Variants in PDZD2 observed in about 807,000 individuals in gnomAD.
PDZD2 encodes the protein PDZ domain-containing protein 2.
PDZD2 carries 90 observed loss-of-function variants against 220.7 expected under a neutral mutation model. That is an observed-to-expected ratio of 0.41 (90% CI 0.34 to 0.49). PDZD2 has a LOEUF of 0.49. Ranked by LOEUF, PDZD2 falls within the 20% of genes least tolerant of loss-of-function variation. The pLI, the probability that PDZD2 is intolerant of heterozygous loss-of-function variation, is 0.28. For missense variants in PDZD2, 3,174 were observed against 3,608.5 expected (o/e 0.88, Z 3.08); for synonymous variants, 1,375 against 1,450.5 (o/e 0.95, Z 1.18).
chr5:31,722,699 T>TG (rs1748876986), intron 1 of PDZD2, among the ~76,000 whole-genome samples: 1 of 151,648 alleles, frequency 6.6e-6, no homozygotes, highest in Non-Finnish European at 1.5e-5. Flanking sequence ...TTTTTGTTGT[T>TG]TTTTTTTTGA....
rs777715428 is a variant in PDZD2 at position 32,089,496 on chromosome 5, C to A, written c.6048C>A (p.Thr2016=). The A allele has an allele frequency of 6.2e-7, 1 of 1,613,240 alleles. No homozygotes were observed. The highest frequency in any genetic ancestry group is 1.1e-5 in the South Asian group (1 of 91,082). ...LSEPDRGCPT[T]PKSPKCRAEG... ...AACCCGACAGAGGTTGCCCAACCAC[C>A]CCTAAATCTCCTAAGTGTAGAGCAG... Residue 2016 remains threonine, a synonymous_variant, in exon 20 of 25, where the codon ACC becomes ACA. Coordinates refer to ENST00000438447, the MANE Select transcript of PDZD2 (RefSeq NM_178140.4).
chr5:31,723,112 G>T (rs1748902284), intron 1 of PDZD2, among the ~76,000 whole-genome samples: 1 of 152,218 alleles, frequency 6.6e-6, no homozygotes, highest in African/African-American at 2.4e-5. Context: ...GTAAAGAAAT[G>T]AAAGTTAGAA....
chr5:31,915,904 T>A (rs1743636338), intron 2 of PDZD2, among the ~76,000 whole-genome samples: 1 of 152,186 alleles, frequency 6.6e-6, no homozygotes, highest in African/African-American at 2.4e-5. Flanking sequence ...GGGAGCCTTT[T>A]GTTTTTAAGA....
chr5:31,823,284 T>C (rs1756015612), intron 2 of PDZD2: 2 of 331,482 alleles, frequency 6.0e-6, no homozygotes, highest in Non-Finnish European at 1.1e-5. Context: ...GGCCAAGGCA[T>C]GGTGAAACCT....
Position 31,988,443 on chromosome 5 carries a change from G to GA in PDZD2, c.978+4787_978+4788insA, listed in dbSNP as rs565446170. ...TTCTGTCCTTGTGGAGATGGGGGTG[G>GA]GGGGGGTGCATCACCCTCCTGGCAT... On this transcript the variant is annotated intron_variant, in intron 3 of 24. Transcript: ENST00000438447. 3.1e-3 allele frequency among the ~76,000 whole-genome samples: 456 copies of GA among 147,862 alleles called. 3 individuals carry two copies. The highest frequency in any genetic ancestry group is 4.0e-3 in the Non-Finnish European group (266 of 66,730).
intron 1 of PDZD2, among the ~76,000 whole-genome samples, chr5:31,717,424 C>T (rs1365347330): frequency 6.6e-6 from 1 of 152,204 alleles, no homozygotes; most frequent in East Asian, 1.9e-4. Flanking sequence ...TTAAAAGCCA[C>T]AGTCATGTCC....
chr5:31,880,809 T>C (rs1739817413), intron 2 of PDZD2, among the ~76,000 whole-genome samples: 1 of 135,438 alleles, frequency 7.4e-6, no homozygotes. Flanking sequence ...TTTTTTTTTT[T>C]TTTTTTTTTG....
chr5:31,891,997 A>G (rs1435509332), intron 2 of PDZD2, among the ~76,000 whole-genome samples: 1 of 151,714 alleles, frequency 6.6e-6, no homozygotes. Context: ...TGCAGCTTCA[A>G]CCTCCCAGGC....
intron 1 of PDZD2, among the ~76,000 whole-genome samples, chr5:31,669,147 T>A (rs926254099): frequency 6.6e-6 from 1 of 151,864 alleles, no homozygotes; most frequent in Non-Finnish European, 1.5e-5. Context: ...TGTTGCTTTA[T>A]GCCTGTAATC....
intron 2 of PDZD2, among the ~76,000 whole-genome samples, chr5:31,921,471 C>T (rs1744248051): frequency 6.6e-6 from 1 of 151,928 alleles, no homozygotes; most frequent in Non-Finnish European, 1.5e-5. Context: ...ATCACTTGAG[C>T]TTAGGAGTTC....
At chr5:32,095,130 A>G (rs1423704188) in intron 21 of PDZD2, among the ~76,000 whole-genome samples, 1 of 152,182 alleles carries the variant, frequency 6.6e-6, no homozygotes, top group Non-Finnish European at 1.5e-5. Flanking sequence ...GCCAACCACA[A>G]GCAAGATGTA....
chr5:31,728,225 C>T (rs1749298174), intron 1 of PDZD2, among the ~76,000 whole-genome samples: 1 of 152,066 alleles, frequency 6.6e-6, no homozygotes, highest in Non-Finnish European at 1.5e-5. Context: ...CAGCACTCCC[C>T]CATGTCCCCA....
chr5:31,808,894 C>T (rs1303555987), intron 2 of PDZD2, among the ~76,000 whole-genome samples: 4 of 151,932 alleles, frequency 2.6e-5, no homozygotes, highest in Middle Eastern at 3.4e-3. Context: ...GCAGGAGAAT[C>T]GCTTGAACTG....
intron 2 of PDZD2, among the ~76,000 whole-genome samples, chr5:31,845,187 G>A (rs1351425166): frequency 6.6e-6 from 1 of 152,132 alleles, no homozygotes; most frequent in Non-Finnish European, 1.5e-5. Context: ...TAAAATACCT[G>A]ATTGAGAATC....
At position 32,056,498 on chromosome 5, in the gene PDZD2, T is replaced by C. The variant is rs77649036; in HGVS notation, c.1901-1157T>C. On this transcript the variant is annotated intron_variant, in intron 10 of 24. Transcript: ENST00000438447. ...CATCTTTGTAGTGTTTTTGATGAAC[T>C]GTTATTCCAAAAAAGCAGGCCATGT... is the stretch of plus-strand genomic sequence containing the variant. Among the ~76,000 whole-genome samples the C allele has an allele frequency of 2.5e-3, 380 of 152,330 alleles. 2 individuals carry two copies. Among genetic ancestry groups the C allele is most frequent in the African/African-American group, 9.0e-3 (373 of 41,590 alleles).
chr5:31,889,826 C>G (rs764015535), intron 2 of PDZD2, among the ~76,000 whole-genome samples: 28 of 152,116 alleles, frequency 1.8e-4, no homozygotes, highest in Non-Finnish European at 2.9e-4. Flanking sequence ...TCGAGACCAG[C>G]TTGGCCAACA....
chr5:32,036,056 G>C (rs889273574), intron 6 of PDZD2, among the ~76,000 whole-genome samples: 2 of 152,030 alleles, frequency 1.3e-5, no homozygotes, highest in African/African-American at 4.8e-5. Context: ...CAGTTCTCCT[G>C]CCTCAGCCTC....
At chr5:31,991,040 T>C (rs1005252191) in intron 3 of PDZD2, among the ~76,000 whole-genome samples, 3 of 151,878 alleles carry the variant, frequency 2.0e-5, no homozygotes, top group Admixed American at 1.3e-4. Flanking sequence ...AATGACAGAG[T>C]GTTCCATGAG....
intron 1 of PDZD2, among the ~76,000 whole-genome samples, chr5:31,652,012 T>TTTTA (rs1412972171): frequency 6.7e-6 from 1 of 150,288 alleles, no homozygotes; most frequent in African/African-American, 2.4e-5. Context: ...TTTTTTTTTT[T>TTTTA]AGTAGAGACA....
Sources: allele counts gnomAD v4.1 joint callset (sites outside exome capture counted in the v4.1 genomes callset), GRCh38; gene constraint gnomAD v4.1.1; transcripts MANE v1.5; gene names NCBI Gene and HGNC (gene_info 2026-07-23, HGNC 2026-07-21).